ANXA10: variants seen among roughly 807,000 people sequenced by gnomAD.
ANXA10 encodes annexin A10.
ANXA10 carries 49 observed loss-of-function variants against 53.5 expected under a neutral mutation model. The ratio of observed to expected loss-of-function variants is 0.92; its 90% CI spans 0.73 to 1.16. The LOEUF is 1.16. Among genes scored for constraint, ANXA10 ranks in the 50% most tolerant of loss-of-function variants. The probability of loss-of-function intolerance (pLI) is 0.00; values close to 1 mark genes in which losing one functional copy is unlikely to be tolerated. For synonymous variants in ANXA10, 131 were observed against 128.9 expected, an observed-to-expected ratio of 1.02 and a Z score of -0.11; for missense variants, 393 against 394.4, an observed-to-expected ratio of 1.00 and a Z score of 0.03.
chr4:168,156,406 T>C (rs1283994556), intron 3 of ANXA10, among the ~76,000 whole-genome samples: 2 of 119,230 alleles, frequency 1.7e-5, no homozygotes, highest in Admixed American at 1.1e-4. Context: ...TTATATATTA[T>C]ATAGTATATA....
rs1329803386 is a variant in ANXA10 at position 168,128,140 on chromosome 4, G to A, written c.75G>A (p.Met25Ile). Residue 25 changes from methionine to isoleucine, a missense_variant, in exon 2 of 12, where the codon ATG becomes ATA. Met to Ile is a conservative substitution (Grantham distance 10). Transcript: ENST00000359299. Reference protein sequence around the residue: ...PNFNPIMDAQMLGGALQGFDC... With the variant: ...PNFNPIMDAQILGGALQGFDC... ...TCAATCCCATAATGGATGCCCAAATGCTAGGAGGAGCACTCCAAGGATTTG... is the reference window on the plus strand; with the variant it reads ...TCAATCCCATAATGGATGCCCAAATACTAGGAGGAGCACTCCAAGGATTTG... 2 of 1,613,306 alleles carry A rather than the reference G, an allele frequency of 1.2e-6. No individual in the cohort carries two copies. The highest frequency in any genetic ancestry group is 1.7e-5 in the Admixed American group (1 of 59,902).
intron 9 of ANXA10, among the ~76,000 whole-genome samples, chr4:168,180,643 G>T (rs1029608619): frequency 1.3e-5 from 2 of 152,244 alleles, no homozygotes; most frequent in Admixed American, 6.5e-5. Flanking sequence ...TGATTATGAA[G>T]ATTTCGTGTA....
intron 3 of ANXA10, among the ~76,000 whole-genome samples, chr4:168,155,613 A>T (rs1731609315): frequency 1.4e-5 from 1 of 69,902 alleles, no homozygotes; most frequent in African/African-American, 5.8e-5. Flanking sequence ...ATATATAATT[A>T]TATATTATAA....
chr4:168,147,864 T>C (rs929283159), intron 3 of ANXA10, among the ~76,000 whole-genome samples: 3 of 152,174 alleles, frequency 2.0e-5, no homozygotes, highest in Admixed American at 2.0e-4. Flanking sequence ...CACTCACTTT[T>C]TTCCTGAAAG....
At chr4:168,155,794 A>G (rs377654487) in intron 3 of ANXA10, among the ~76,000 whole-genome samples, 12,270 of 24,974 alleles carry the variant, frequency 0.49, 3,557 homozygotes, top group African/African-American at 0.55. Context: ...TATTATATAT[A>G]ATATATAATA....
rs975477275 is a variant in ANXA10 at position 168,127,968 on chromosome 4, C to G, written c.19-116C>G. On this transcript the variant is annotated intron_variant, in intron 1 of 11. Coordinates refer to ENST00000359299, the MANE Select transcript of ANXA10 (RefSeq NM_007193.5). ...TCAACTCCTGACTTCAGGTGATCCA[C>G]CCACCTCTGCCTCCCAAAGTGCAGA... 20 of 871,096 alleles carry G rather than the reference C, an allele frequency of 2.3e-5. No individual in the cohort carries two copies. In the African/African-American group the frequency reaches 2.3e-4, roughly 10 times the overall value. The allele number at this position is 871,096 out of a possible 1,614,324, so 54.0% of individuals were successfully genotyped here.
At chr4:168,137,369 C>G (rs963125075) in intron 2 of ANXA10, among the ~76,000 whole-genome samples, 2 of 152,076 alleles carry the variant, frequency 1.3e-5, no homozygotes, top group Non-Finnish European at 2.9e-5. Context: ...TTTTAGTGTA[C>G]CCATCACCTG....
rs1407219632 is a variant in ANXA10, at chr4:168,181,770, C to T, written c.783+29C>T. On this transcript the variant is annotated intron_variant, in intron 10 of 11. Transcript: ENST00000359299. ...AGTAAGACATATATTTTTAAAATTT[C>T]TCCAGAAATTGTGTCTGTTTTCTCA... is the stretch of plus-strand genomic sequence containing the variant. 3 of 1,436,520 alleles carry T rather than the reference C, an allele frequency of 2.1e-6. No homozygotes were observed. In the Admixed American group the frequency reaches 5.4e-5, roughly 26 times the overall value. 89.0% of individuals were successfully genotyped at this position (1,436,520 alleles called of 1,614,324 possible).
intron 1 of ANXA10, among the ~76,000 whole-genome samples, chr4:168,106,911 A>G (rs1322710100): frequency 6.6e-6 from 1 of 152,152 alleles, no homozygotes; most frequent in African/African-American, 2.4e-5. Context: ...GTTAAATCAT[A>G]TAGGATAAAA....
chr4:168,165,171 T>C, intron 5 of ANXA10, 76 bp from the exon 6 acceptor site: 3 of 936,176 alleles, frequency 3.2e-6, no homozygotes, highest in Non-Finnish European at 4.8e-6. Context: ...AACTGGGAAA[T>C]AACATTAACT....
At chr4:168,106,942 C>A (rs898341217) in intron 1 of ANXA10, among the ~76,000 whole-genome samples, 11 of 152,030 alleles carry the variant, frequency 7.2e-5, no homozygotes, top group African/African-American at 2.7e-4. Flanking sequence ...ATAAAAGTTC[C>A]TGATATTTTT....
chr4:168,159,153 T>C (rs2149476681), intron 3 of ANXA10, among the ~76,000 whole-genome samples: 1 of 152,330 alleles, frequency 6.6e-6, no homozygotes, highest in Middle Eastern at 3.4e-3. Flanking sequence ...ATTGATATCA[T>C]CATATAGCTT....
intron 3 of ANXA10, among the ~76,000 whole-genome samples, chr4:168,148,593 A>G (rs988838917): frequency 6.6e-6 from 1 of 152,194 alleles, no homozygotes; most frequent in African/African-American, 2.4e-5. Flanking sequence ...GAAATTTTCT[A>G]GGCACATATT....
intron 2 of ANXA10, among the ~76,000 whole-genome samples, chr4:168,133,587 A>C (rs983929774): frequency 6.6e-6 from 1 of 152,160 alleles, no homozygotes; most frequent in South Asian, 2.1e-4. Context: ...ATGTTTATAC[A>C]GGAGAAGGCT....
At position 168,143,806 on chromosome 4, in the gene ANXA10, C is replaced by T. The variant is rs941195006; in HGVS notation, c.195+4226C>T. Among the ~76,000 whole-genome samples, 5 of 152,176 alleles carry T rather than the reference C, an allele frequency of 3.3e-5. No homozygotes were observed. In the East Asian group the frequency reaches 9.6e-4, roughly 29 times the overall value. On this transcript the variant is annotated intron_variant, in intron 3 of 11. Transcript: ENST00000359299. ...GCAATTTAGTGCCGGGGCTGACTTGCCCAAAAGTAAAACTTCAACCAAGGT... is the reference window on the plus strand; with the variant it reads ...GCAATTTAGTGCCGGGGCTGACTTGTCCAAAAGTAAAACTTCAACCAAGGT...
intron 10 of ANXA10, among the ~76,000 whole-genome samples, chr4:168,184,345 G>T (rs1732321852): frequency 6.6e-6 from 1 of 152,198 alleles, no homozygotes; most frequent in Non-Finnish European, 1.5e-5. Context: ...GAAAATAGAA[G>T]AGAATAATTC....
intron 2 of ANXA10, among the ~76,000 whole-genome samples, chr4:168,132,625 G>A (rs1224787004): frequency 6.6e-6 from 1 of 152,026 alleles, no homozygotes; most frequent in African/African-American, 2.4e-5. Context: ...CTAAAACTGT[G>A]TAATTGGATT....
At chr4:168,154,477 G>A (rs928057759) in intron 3 of ANXA10, among the ~76,000 whole-genome samples, 7 of 152,010 alleles carry the variant, frequency 4.6e-5, no homozygotes, top group East Asian at 3.8e-4. Flanking sequence ...TATAATAAAC[G>A]CAAAGATAAA....
At chr4:168,174,505 C>T (rs941767347) in intron 6 of ANXA10, among the ~76,000 whole-genome samples, 1 of 152,206 alleles carries the variant, frequency 6.6e-6, no homozygotes, top group African/African-American at 2.4e-5. Flanking sequence ...ACAGTGGCCA[C>T]AGGATCCAGG....
Sources: gnomAD v4.1 joint callset for allele counts (sites outside exome capture counted in the v4.1 genomes callset) on GRCh38, gnomAD v4.1.1 for gene constraint, MANE v1.5 for transcripts, NCBI Gene and HGNC (gene_info 2026-07-23, HGNC 2026-07-21) for gene names.